PTK2B: variants seen among roughly 807,000 people sequenced by gnomAD.
PTK2B encodes protein tyrosine kinase 2 beta, also known as protein-tyrosine kinase 2-beta.
Under a neutral mutation model 142.9 loss-of-function variants are expected in PTK2B, and 71 were observed. That is an observed-to-expected ratio of 0.50 (90% CI 0.41 to 0.61). PTK2B has a LOEUF of 0.61. PTK2B is among the 20% of genes least tolerant of loss of function. The pLI, the probability that PTK2B is intolerant of heterozygous loss-of-function variation, is 0.00. For missense variants in PTK2B, 1,105 were observed against 1,320.4 expected (o/e 0.84, Z 2.53); for synonymous variants, 519 against 503.4 (o/e 1.03, Z -0.42).
chr8:27,342,101 T>C (rs1804437016), intron 1 of PTK2B, among the ~76,000 whole-genome samples: 3 of 152,112 alleles, frequency 2.0e-5, no homozygotes, highest in African/African-American at 2.4e-5. Flanking sequence ...GAACCCCACT[T>C]TGAGAACCAC....
Position 27,409,396 on chromosome 8 carries a change from G to A in PTK2B, c.205-10499G>A, listed in dbSNP as rs568559672. On this transcript the variant is annotated intron_variant, in intron 2 of 30. Transcript: ENST00000346049. ...AGCTCACCAGGAGGAAAGGACAAGG[G>A]GGAGAGGGGAGCCAGGGGTCCCCCA... Among the ~76,000 whole-genome samples the A allele has an allele frequency of 7.9e-5, 12 of 152,260 alleles. 1 individual carries two copies. The highest frequency in any genetic ancestry group is 1.9e-4 in the East Asian group (1 of 5,182).
At chr8:27,402,605 A>G (rs1668880843) in intron 2 of PTK2B, among the ~76,000 whole-genome samples, 1 of 152,192 alleles carries the variant, frequency 6.6e-6, no homozygotes, top group Admixed American at 6.5e-5. Flanking sequence ...TCATGGTAGC[A>G]TGGCCTAGGG....
chr8:27,324,792 C>G (rs1208144211), upstream of PTK2B, among the ~76,000 whole-genome samples: 1 of 152,186 alleles, frequency 6.6e-6, no homozygotes, highest in African/African-American at 2.4e-5. Flanking sequence ...TATGCCAAGT[C>G]CAGGTCACTT....
chr8:27,366,956 G>A (rs992359736), intron 1 of PTK2B, among the ~76,000 whole-genome samples: 2 of 152,064 alleles, frequency 1.3e-5, no homozygotes, highest in Admixed American at 6.6e-5. Flanking sequence ...GTGGTGGCTC[G>A]GCTGGCACTG....
chr8:27,436,176 G>A (rs1057187078), intron 14 of PTK2B, 75 bp from the exon 15 acceptor site: 3 of 1,420,628 alleles, frequency 2.1e-6, no homozygotes, highest in Non-Finnish European at 2.0e-6. Flanking sequence ...TGGCTTTAGA[G>A]CCTGCAGACA....
chr8:27,374,418 T>C (rs751138570), intron 1 of PTK2B, among the ~76,000 whole-genome samples: 5 of 152,170 alleles, frequency 3.3e-5, no homozygotes, highest in Non-Finnish European at 7.4e-5. Flanking sequence ...GCACACCACA[T>C]AGGGCCCCGT....
chr8:27,385,405 T>G (rs2131201070), intron 1 of PTK2B, among the ~76,000 whole-genome samples: 1 of 152,310 alleles, frequency 6.6e-6, no homozygotes. Context: ...TGGCGATAAC[T>G]TTCTGTAATC....
intron 24 of PTK2B, among the ~76,000 whole-genome samples, chr8:27,447,322 A>G (rs1811532079): frequency 6.6e-6 from 1 of 152,264 alleles, no homozygotes; most frequent in Non-Finnish European, 1.5e-5. Context: ...GCTCCATTTT[A>G]TGACACAGAT....
rs1339898200 is a variant in PTK2B at position 27,437,168 on chromosome 8, G to A, written c.1388G>A (p.Cys463Tyr). The A allele has an allele frequency of 6.2e-7, 1 of 1,614,066 alleles. No individual in the cohort carries two copies. Among genetic ancestry groups the A allele is most frequent in the Non-Finnish European group, 8.5e-7 (1 of 1,179,982 alleles). ...GCTGTCAAGACCTGCAAGAAAGACT[G>A]CACTCTGGACAACAAGGAGAAGTTC... Reference protein sequence around the residue: ...NVAVKTCKKDCTLDNKEKFMS... With the variant: ...NVAVKTCKKDYTLDNKEKFMS... The change falls in exon 16 of 31, where the codon TGC (cysteine) becomes TAC (tyrosine). Residue 463 changes from cysteine to tyrosine, a missense_variant. By Grantham distance (194) the Cys-to-Tyr change is radical. Coordinates refer to ENST00000346049, the MANE Select transcript of PTK2B (RefSeq NM_173176.3).
intron 1 of PTK2B, among the ~76,000 whole-genome samples, chr8:27,326,102 G>A (rs12680494): frequency 0.019 from 2,938 of 152,136 alleles, 70 homozygotes; most frequent in African/African-American, 0.051. Flanking sequence ...AGGGGTTATA[G>A]TCTCACCCCC....
At chr8:27,420,394 G>A (rs963205238) in intron 3 of PTK2B, among the ~76,000 whole-genome samples, 5 of 152,214 alleles carry the variant, frequency 3.3e-5, no homozygotes, top group Non-Finnish European at 7.3e-5. Flanking sequence ...GAACCTAAGA[G>A]AAACAGCTGC....
At chr8:27,337,711 T>G (rs1215873368) in intron 1 of PTK2B, among the ~76,000 whole-genome samples, 2 of 152,242 alleles carry the variant, frequency 1.3e-5, no homozygotes. Flanking sequence ...TGATTGATAT[T>G]TATTGATGAG....
intron 1 of PTK2B, among the ~76,000 whole-genome samples, chr8:27,391,921 A>G (rs1368409965): frequency 6.6e-6 from 1 of 152,182 alleles, no homozygotes; most frequent in Non-Finnish European, 1.5e-5. Context: ...GCTCAGAGCC[A>G]GGGTTTTCAC....
chr8:27,359,899 C>G (rs1230065116), intron 1 of PTK2B, among the ~76,000 whole-genome samples: 1 of 152,112 alleles, frequency 6.6e-6, no homozygotes, highest in East Asian at 1.9e-4. Context: ...CTGAAGACAT[C>G]ACCCTGCACA....
intron 1 of PTK2B, among the ~76,000 whole-genome samples, chr8:27,370,967 C>T (rs1806319409): frequency 6.6e-6 from 1 of 152,056 alleles, no homozygotes; most frequent in Non-Finnish European, 1.5e-5. Context: ...GCAGTCTCGG[C>T]TTACTGCAGC....
intron 1 of PTK2B, among the ~76,000 whole-genome samples, chr8:27,350,917 A>T (rs1312185501): frequency 7.2e-6 from 1 of 138,722 alleles, no homozygotes; most frequent in South Asian, 2.4e-4. Context: ...CAAAGGTTGC[A>T]GTGAGCCGAG....
intron 1 of PTK2B, among the ~76,000 whole-genome samples, chr8:27,356,568 G>A (rs562610148): frequency 1.2e-3 from 177 of 152,210 alleles, no homozygotes; most frequent in Non-Finnish European, 1.8e-3. Context: ...ATGCAGTATA[G>A]ATCCTCACTG....
intron 15 of PTK2B, 25 bp from the exon 16 acceptor site, chr8:27,437,093 AAGGG>A (rs747077176): frequency 6.3e-7 from 1 of 1,599,618 alleles, no homozygotes; most frequent in South Asian, 1.1e-5. Flanking sequence ...GGGCTGGACC[AAGGG>A]GTCCTGAACA....
At chr8:27,389,602 G>A (rs1207227964) in intron 1 of PTK2B, among the ~76,000 whole-genome samples, 1 of 152,224 alleles carries the variant, frequency 6.6e-6, no homozygotes, top group Admixed American at 6.5e-5. Context: ...GGCAACAGGG[G>A]GACTCCCAGT....
Sources: allele counts gnomAD v4.1 joint callset (sites outside exome capture counted in the v4.1 genomes callset), GRCh38; gene constraint gnomAD v4.1.1; transcripts MANE v1.5; gene names NCBI Gene and HGNC (gene_info 2026-07-23, HGNC 2026-07-21).